Variants in COL4A6 observed in about 807,000 individuals in gnomAD.
COL4A6 encodes the protein collagen alpha-6(IV) chain.
A neutral mutation model predicts 126.7 loss-of-function variants in COL4A6; 59 were observed. That is an observed-to-expected ratio of 0.47 (90% CI 0.38 to 0.58). COL4A6 has a LOEUF of 0.58. Among genes scored for constraint, COL4A6 ranks in the 20% least tolerant of loss-of-function variants. The pLI, the probability that COL4A6 is intolerant of heterozygous loss-of-function variation, is 0.00. For synonymous variants in COL4A6, 547 were observed against 496.6 expected (o/e 1.10, Z -1.35); for missense variants, 1,285 against 1,337.3 (o/e 0.96, Z 0.61).
intron 4 of COL4A6, among the ~76,000 whole-genome samples, chrX:108,220,857 T>C (rs1367444594): frequency 8.9e-6 from 1 of 112,845 alleles, no homozygotes; most frequent in African/African-American, 3.2e-5. Flanking sequence ...CCCATGCCTG[T>C]AATCCCAGCA....
chrX:108,372,797 T>G, intron 2 of COL4A6, among the ~76,000 whole-genome samples: 1 of 112,484 alleles, frequency 8.9e-6, no homozygotes, highest in Non-Finnish European at 1.9e-5. Flanking sequence ...AAGCCACATG[T>G]GCTTTGCTCA....
At chrX:108,164,543 T>C in intron 40 of COL4A6, 57 bp downstream of exon 40, 1 of 1,086,465 alleles carries the variant, frequency 9.2e-7, no homozygotes. Flanking sequence ...GAAGGAACCT[T>C]ACCACCAGGC....
In COL4A6 at chrX:108,375,695, T is replaced by C. The variant is rs763057822; in HGVS notation, c.63+62247A>G. ...GGCTAAATCTTTTTTTTTTTTTTTTTCTATGTGTCTCTTTCTCTTAGAAGC... is the reference window on the plus strand; with the variant it reads ...GGCTAAATCTTTTTTTTTTTTTTTTCCTATGTGTCTCTTTCTCTTAGAAGC... On this transcript the variant is annotated intron_variant, in intron 2 of 44. Transcript: ENST00000334504. Among the ~76,000 whole-genome samples the C allele has an allele frequency of 6.1e-3, 662 of 108,157 alleles. 3 individuals are homozygous for C. Among genetic ancestry groups the C allele is most frequent in the African/African-American group, 0.021 (630 of 29,708 alleles). 93.9% of individuals were successfully genotyped at this position (108,157 alleles called of 115,157 possible). A position where few individuals can be genotyped will look rare whatever the true frequency, so the allele number is the denominator to read the frequency against.
intron 3 of COL4A6, among the ~76,000 whole-genome samples, chrX:108,278,519 G>A (rs1040038261): frequency 1.8e-5 from 2 of 111,143 alleles, no homozygotes; most frequent in South Asian, 7.8e-4. Flanking sequence ...TGTCTGATTG[G>A]TGTACCTGAA....
intron 3 of COL4A6, among the ~76,000 whole-genome samples, chrX:108,222,187 T>A (rs968193464): frequency 8.9e-6 from 1 of 112,633 alleles, no homozygotes; most frequent in African/African-American, 3.2e-5. Flanking sequence ...GGACTCAGAC[T>A]GAGTATTAAC....
chrX:108,285,290 T>C (rs749809837), intron 3 of COL4A6, among the ~76,000 whole-genome samples: 1 of 111,837 alleles, frequency 8.9e-6, no homozygotes, highest in African/African-American at 3.3e-5. Flanking sequence ...TCTATCCCAA[T>C]CTCTTCCACC....
At chrX:108,383,391 C>T in intron 2 of COL4A6, 2 of 465,083 alleles carry the variant, frequency 4.3e-6, no homozygotes, top group East Asian at 4.4e-5. Context: ...AGAAGTAAAA[C>T]CCTGACTCAA....
At chrX:108,307,683 A>C (rs1485135283) in intron 3 of COL4A6, among the ~76,000 whole-genome samples, 2 of 112,183 alleles carry the variant, frequency 1.8e-5, no homozygotes, top group African/African-American at 6.5e-5. Flanking sequence ...CTCCCAGCTC[A>C]AGAGGAACAG....
chrX:108,203,733 T>C (rs2035458480), intron 12 of COL4A6, among the ~76,000 whole-genome samples: 1 of 112,559 alleles, frequency 8.9e-6, no homozygotes, highest in African/African-American at 3.2e-5. Context: ...GTAGGTAGTA[T>C]ACAGTGACTC....
At chrX:108,325,765 TA>T (rs1472774645) in intron 2 of COL4A6, among the ~76,000 whole-genome samples, 1 of 104,271 alleles carries the variant, frequency 9.6e-6, no homozygotes, top group Non-Finnish European at 2.0e-5. Context: ...GTTTAACATC[TA>T]AAAATTAGTC....
chrX:108,325,887 A>G (rs2039145673), intron 2 of COL4A6, among the ~76,000 whole-genome samples: 2 of 111,894 alleles, frequency 1.8e-5, no homozygotes, highest in South Asian at 7.4e-4. Flanking sequence ...TGTGATAAAA[A>G]CTCAAAGCAA....
In COL4A6 at chrX:108,175,302, C is replaced by T. The variant is rs961945602; in HGVS notation, c.2831-87G>A. On this transcript the variant is annotated intron_variant, in intron 29 of 44. Coordinates refer to ENST00000334504, the MANE Select transcript of COL4A6 (RefSeq NM_033641.4). ...CCTTTCACATCATTTCTTCCCATAC[C>T]ACCACAGCCCTCTTTTGGGGCCTTT... 13 of 1,023,077 alleles carry T rather than the reference C, an allele frequency of 1.3e-5. 1 individual carries two copies. The Admixed American group carries it at 3.9e-4, about 30-fold the overall frequency. The allele number at this position is 1,023,077 out of a possible 1,213,427, so 84.3% of individuals were successfully genotyped here.
chrX:108,173,641 T>A (rs1208898522), intron 31 of COL4A6, among the ~76,000 whole-genome samples: 3 of 112,467 alleles, frequency 2.7e-5, no homozygotes, highest in South Asian at 3.7e-4. Context: ...GCCGGCTATG[T>A]GCCAGACACA....
intron 2 of COL4A6, among the ~76,000 whole-genome samples, chrX:108,318,608 T>G (rs1457257595): frequency 9.0e-6 from 1 of 111,363 alleles, no homozygotes; most frequent in African/African-American, 3.3e-5. Flanking sequence ...AAATCATGAG[T>G]GAACTCCCAT....
chrX:108,178,932 T>A, intron 26 of COL4A6, 87 bp from the exon 27 acceptor site: 1 of 1,001,204 alleles, frequency 1.0e-6, no homozygotes, highest in South Asian at 2.4e-5. Context: ...TTATCCCAGG[T>A]GCCACTGTCT....
chrX:108,179,149 C>T lies in COL4A6; in HGVS notation c.2353+68G>A, dbSNP rs182900992. The T allele has an allele frequency of 1.1e-5, 11 of 983,117 alleles. No individual in the cohort carries two copies. In the African/African-American group the frequency reaches 1.1e-4, roughly 10 times the overall value. 81.0% of individuals were successfully genotyped at this position (983,117 alleles called of 1,213,427 possible). On this transcript the variant is annotated intron_variant, in intron 26 of 44. Coordinates refer to ENST00000334504, the MANE Select transcript of COL4A6 (RefSeq NM_033641.4). ...ATCACCCCAGATTCATGCAAGTATT[C>T]ATGGAAGTATACGAATTAATATAAG...
At position 108,175,174 on chromosome X, in the gene COL4A6, T is replaced by C; in HGVS notation, c.2872A>G (p.Arg958Gly). Residue 958 changes from arginine (R) to glycine (G), a missense_variant, in exon 30 of 45, where the codon AGA becomes GGA. Physicochemically the swap from Arg to Gly is moderately radical, Grantham distance 125. Coordinates refer to ENST00000334504, the MANE Select transcript of COL4A6 (RefSeq NM_033641.4). ...AGCCAAAGGTTTGACATTGGACGTC[T>C]TGGACTAGGTATTCCGACTGGCCCC... ...NPGPVGIPSP[R>G]RPMSNLWLKG... The C allele has an allele frequency of 8.3e-7, 1 of 1,201,625 alleles. No individual in the cohort carries two copies. The highest frequency in any genetic ancestry group is 1.1e-6 in the Non-Finnish European group (1 of 890,723).
intron 3 of COL4A6, among the ~76,000 whole-genome samples, chrX:108,292,842 G>C (rs761266275): frequency 8.4e-5 from 9 of 107,298 alleles, no homozygotes; most frequent in Non-Finnish European, 1.5e-4. Flanking sequence ...TCAGCTACTA[G>C]GGAGGCAGAA....
intron 3 of COL4A6, among the ~76,000 whole-genome samples, chrX:108,308,382 T>C (rs2038679681): frequency 8.9e-6 from 1 of 112,142 alleles, no homozygotes; most frequent in African/African-American, 3.2e-5. Context: ...CTTCTCAGTT[T>C]CCTGGTTGTT....
Sources: gnomAD v4.1 joint callset for allele counts (sites outside exome capture counted in the v4.1 genomes callset) on GRCh38, gnomAD v4.1.1 for gene constraint, MANE v1.5 for transcripts, NCBI Gene and HGNC (gene_info 2026-07-23, HGNC 2026-07-21) for gene names.